The following PHF2 variants were observed in gnomAD, a reference collection of about 807,000 sequenced individuals.
PHF2 encodes the protein PHD finger protein 2, also known as lysine-specific demethylase PHF2.
PHF2 carries 27 observed loss-of-function variants against 120.5 expected under a neutral mutation model. The observed-to-expected ratio is 0.22, with a 90% CI of 0.17 to 0.31. The LOEUF (loss-of-function observed/expected upper bound fraction) is 0.31. Among genes scored for constraint, PHF2 ranks in the 10% least tolerant of loss-of-function variants. The probability of loss-of-function intolerance (pLI) is 1.00; values close to 1 mark genes in which losing one functional copy is unlikely to be tolerated. For synonymous variants in PHF2, 568 were observed against 592.5 expected (o/e 0.96, Z 0.60); for missense variants, 1,024 against 1,434.8 (o/e 0.71, Z 4.63).
At chr9:93,593,236 CT>C (rs1165069739) in intron 1 of PHF2, among the ~76,000 whole-genome samples, 1 of 152,148 alleles carries the variant, frequency 6.6e-6, no homozygotes, top group African/African-American at 2.4e-5. Context: ...AAGCTGACCC[CT>C]GAGGGCTGCA....
rs751119393 is a variant in PHF2 at position 93,660,199 on chromosome 9, C to G, written c.1337C>G (p.Ser446Cys). Residue 446 changes from serine (S) to cysteine (C), a missense_variant, in exon 12 of 22, where the codon TCC (serine) becomes TGC (cysteine). Physicochemically the swap from Ser to Cys is moderately radical, Grantham distance 112 (BLOSUM62 -1). Transcript: ENST00000359246. ...AKEIRLSENA[S>C]KAVRPEVNTV... ...CTCCTTTCTGTATCCCAGAATGCCT[C>G]CAAAGCCGTCCGACCGGAAGTGAAT... 6.4e-7 allele frequency: 1 copy of G among 1,559,074 alleles called. No individual in the cohort carries two copies. The highest frequency in any genetic ancestry group is 8.6e-7 in the Non-Finnish European group (1 of 1,156,586).
At position 93,605,669 on chromosome 9, in the gene PHF2, G is replaced by A. The variant is rs761549719; in HGVS notation, c.99-24301G>A. On this transcript the variant is annotated intron_variant, in intron 1 of 21. Coordinates refer to ENST00000359246, the MANE Select transcript of PHF2 (RefSeq NM_005392.4). ...TATAGTAGAAATCACGTAGTATGTC[G>A]GCTTTTCACTTGGGCTTCTTTTACT... 4.3e-4 allele frequency among the ~76,000 whole-genome samples: 66 copies of A among 152,204 alleles called. 1 individual carries two copies. The highest frequency in any genetic ancestry group is 2.0e-4 in the Admixed American group (3 of 15,292).
chr9:93,649,329 A>G (rs935060478), intron 5 of PHF2, 117 bp downstream of exon 5: 17 of 664,820 alleles, frequency 2.6e-5, no homozygotes, highest in Non-Finnish European at 3.8e-5. Flanking sequence ...AATACTGCAC[A>G]TGGCACACAC....
At chr9:93,671,151 T>TATCC (rs1826777303) in intron 17 of PHF2, 1 of 975,276 alleles carries the variant, frequency 1.0e-6, no homozygotes, top group Non-Finnish European at 1.2e-6. Context: ...GATGCAGGTG[T>TATCC]GGATGTAGGT....
intron 2 of PHF2, among the ~76,000 whole-genome samples, chr9:93,630,305 G>A (rs1825978976): frequency 6.6e-6 from 1 of 152,372 alleles, no homozygotes; most frequent in Admixed American, 6.5e-5. Flanking sequence ...GACTCAAAGG[G>A]CCTTCTGAGG....
At chr9:93,671,272 G>A (rs1340631714) in intron 17 of PHF2, 3 of 864,062 alleles carry the variant, frequency 3.5e-6, no homozygotes, top group Non-Finnish European at 4.2e-6. Context: ...GGGTGTGGGA[G>A]TAGGCACAGG....
chr9:93,609,542 A>T (rs1317989756), intron 1 of PHF2, among the ~76,000 whole-genome samples: 1 of 148,404 alleles, frequency 6.7e-6, no homozygotes, highest in Non-Finnish European at 1.5e-5. Flanking sequence ...TGGATACAGA[A>T]TTCTAGGTTG....
chr9:93,622,134 G>A (rs1825836304), intron 1 of PHF2, among the ~76,000 whole-genome samples: 1 of 152,196 alleles, frequency 6.6e-6, no homozygotes, highest in Non-Finnish European at 1.5e-5. Flanking sequence ...CTATATCACA[G>A]GGAGGGGTGA....
rs555789916 is a variant in PHF2 at position 93,606,125 on chromosome 9, G to A, written c.99-23845G>A. Among the ~76,000 whole-genome samples the A allele has an allele frequency of 1.4e-4, 22 of 152,044 alleles. No individual in the cohort carries two copies. The South Asian group carries it at 2.7e-3, about 19-fold the overall frequency. On this transcript the variant is annotated intron_variant, in intron 1 of 21. Transcript: ENST00000359246. ...AGTAAGTAGCTGAGACTCTGCCACC[G>A]TGCTCAGCTAATTTTTGTATTTTTT...
intron 16 of PHF2, among the ~76,000 whole-genome samples, chr9:93,666,397 C>T (rs1031036749): frequency 5.3e-5 from 8 of 152,340 alleles, no homozygotes; most frequent in Admixed American, 3.3e-4. Context: ...CCAACCATGG[C>T]GGTGTCTCTT....
chr9:93,661,456 C>T (rs73523908), intron 12 of PHF2, among the ~76,000 whole-genome samples: 2,749 of 151,678 alleles, frequency 0.018, 34 homozygotes, highest in Middle Eastern at 0.045. Flanking sequence ...GATGAACAGA[C>T]GGATGGATGA....
chr9:93,628,035 A>G (rs928153356), intron 1 of PHF2, among the ~76,000 whole-genome samples: 5 of 152,208 alleles, frequency 3.3e-5, no homozygotes, highest in Non-Finnish European at 7.3e-5. Context: ...GTCAGACTTG[A>G]TGCTTTAGGT....
Position 93,665,639 on chromosome 9 carries a change from G to C in PHF2, c.1938-47G>C, listed in dbSNP as rs371537654. ...CTCGGGAGGTCCTACCTGTCCGCTG[G>C]CTGTGGGGCTATGTGGATGCTGCTG... is the stretch of plus-strand genomic sequence containing the variant. On this transcript the variant is annotated intron_variant, in intron 14 of 21. Coordinates refer to ENST00000359246, the MANE Select transcript of PHF2 (RefSeq NM_005392.4). 61 of 1,594,580 alleles carry C rather than the reference G, an allele frequency of 3.8e-5. No homozygotes were observed. The Middle Eastern group carries it at 7.6e-4, about 20-fold the overall frequency.
intron 1 of PHF2, among the ~76,000 whole-genome samples, chr9:93,599,248 C>T (rs1034105740): frequency 9.9e-5 from 15 of 152,166 alleles, no homozygotes; most frequent in Non-Finnish European, 1.6e-4. Flanking sequence ...TTATTTTTAC[C>T]GTCATCGTCT....
At chr9:93,613,771 G>A (rs1825677680) in intron 1 of PHF2, among the ~76,000 whole-genome samples, 1 of 151,916 alleles carries the variant, frequency 6.6e-6, no homozygotes, top group African/African-American at 2.4e-5. Flanking sequence ...GAGTCTTATT[G>A]TGTTGCCAAG....
chr9:93,648,236 C>T (rs992902680), intron 4 of PHF2, among the ~76,000 whole-genome samples: 3 of 152,200 alleles, frequency 2.0e-5, no homozygotes, highest in Non-Finnish European at 4.4e-5. Context: ...GATTTGGTTG[C>T]CAGCGTCCCA....
At chr9:93,665,070 A>T (rs957487724) in intron 14 of PHF2, among the ~76,000 whole-genome samples, 2 of 152,240 alleles carry the variant, frequency 1.3e-5, no homozygotes, top group African/African-American at 4.8e-5. Context: ...AGCTGCTTGC[A>T]GGCCAAGCTC....
At chr9:93,594,404 C>T (rs1825292845) in intron 1 of PHF2, among the ~76,000 whole-genome samples, 1 of 152,234 alleles carries the variant, frequency 6.6e-6, no homozygotes, top group Admixed American at 6.5e-5. Flanking sequence ...CCAGCCTCTT[C>T]AGGCTGATAG....
At chr9:93,600,177 G>C (rs1825413984) in intron 1 of PHF2, among the ~76,000 whole-genome samples, 1 of 151,768 alleles carries the variant, frequency 6.6e-6, no homozygotes, top group Non-Finnish European at 1.5e-5. Context: ...TGTGTGCTGT[G>C]TGTCTGTAGC....
Sources: gnomAD v4.1 joint callset for allele counts (sites outside exome capture counted in the v4.1 genomes callset) on GRCh38, gnomAD v4.1.1 for gene constraint, MANE v1.5 for transcripts, NCBI Gene and HGNC (gene_info 2026-07-23, HGNC 2026-07-21) for gene names.